The following PLCB1 variants were observed in gnomAD, a reference collection of about 807,000 sequenced individuals.
PLCB1 encodes 1-phosphatidylinositol 4,5-bisphosphate phosphodiesterase beta-1.
PLCB1 carries 46 observed loss-of-function variants against 161.8 expected under a neutral mutation model. The ratio of observed to expected loss-of-function variants is 0.28; its 90% CI spans 0.22 to 0.36. PLCB1 has a LOEUF of 0.36. Ranked by LOEUF, PLCB1 falls within the 10% of genes least tolerant of loss-of-function variation. The pLI is 1.00. For missense variants in PLCB1, 1,016 were observed against 1,472.5 expected (o/e 0.69, Z 5.07); for synonymous variants, 517 against 503.7 (o/e 1.03, Z -0.35).
At position 8,708,862 on chromosome 20, in the gene PLCB1, A is replaced by G. The variant is rs1290679983; in HGVS notation, c.1250+110A>G. ...ACATGATTAATGGTGTTCTTCAATC[A>G]TGTTGTATATTAACTGGCATGTTTT... On this transcript the variant is annotated intron_variant, in intron 12 of 31. Coordinates refer to ENST00000338037, the MANE Select transcript of PLCB1 (RefSeq NM_015192.4). The G allele has an allele frequency of 6.1e-6, 4 of 654,122 alleles. No homozygotes were observed. The Admixed American group carries it at 1.1e-4, about 18-fold the overall frequency. The allele number at this position is 654,122 out of a possible 1,614,324, so 40.5% of individuals were successfully genotyped here.
intron 2 of PLCB1, among the ~76,000 whole-genome samples, chr20:8,312,695 A>G (rs144294842): frequency 1.2e-3 from 181 of 152,310 alleles, no homozygotes; most frequent in African/African-American, 4.2e-3. Context: ...TTAAAAGGGC[A>G]TCGTTTACAC....
intron 2 of PLCB1, among the ~76,000 whole-genome samples, chr20:8,325,639 C>G (rs1314443863): frequency 6.6e-6 from 1 of 152,120 alleles, no homozygotes; most frequent in East Asian, 1.9e-4. Context: ...AGACAAGGGT[C>G]AGGAAGGTTA....
At chr20:8,151,106 C>G (rs758485247) in intron 2 of PLCB1, among the ~76,000 whole-genome samples, 1 of 152,140 alleles carries the variant, frequency 6.6e-6, no homozygotes, top group Non-Finnish European at 1.5e-5. Context: ...TACACTTGAA[C>G]CTCAGAGGCC....
intron 9 of PLCB1, among the ~76,000 whole-genome samples, chr20:8,663,078 A>G (rs2123339565): frequency 6.6e-6 from 1 of 151,722 alleles, no homozygotes; most frequent in African/African-American, 2.4e-5. Context: ...GTGGAAATTG[A>G]GTCTTATTTA....
In PLCB1 at chr20:8,488,475, G is replaced by A. The variant is rs180751662; in HGVS notation, c.246+117025G>A. Among the ~76,000 whole-genome samples the A allele has an allele frequency of 2.1e-3, 325 of 152,212 alleles. 2 individuals carry two copies. The highest frequency in any genetic ancestry group is 7.1e-3 in the African/African-American group (293 of 41,528). ...TTTTCATCTCAGCCTCTGCTTCTGG[G>A]AAACCCAGCTAACAATATCGAATAT... On this transcript the variant is annotated intron_variant, in intron 3 of 31. Coordinates refer to ENST00000338037, the MANE Select transcript of PLCB1 (RefSeq NM_015192.4).
intron 3 of PLCB1, among the ~76,000 whole-genome samples, chr20:8,544,810 C>T (rs551068074): frequency 3.9e-5 from 6 of 152,248 alleles, no homozygotes; most frequent in African/African-American, 1.4e-4. Context: ...CTGATATATT[C>T]CTTAGGTAGA....
At chr20:8,289,981 C>G (rs1341109950) in intron 2 of PLCB1, among the ~76,000 whole-genome samples, 2 of 152,146 alleles carry the variant, frequency 1.3e-5, no homozygotes, top group Non-Finnish European at 1.5e-5. Context: ...TAATATAAAA[C>G]AGCAGGCAAC....
chr20:8,297,033 T>C (rs1457906729), intron 2 of PLCB1, among the ~76,000 whole-genome samples: 2 of 152,088 alleles, frequency 1.3e-5, no homozygotes, highest in Admixed American at 1.3e-4. Context: ...TGTGTGTATA[T>C]GTATATATAT....
At chr20:8,698,876 G>C (rs1009223388) in intron 11 of PLCB1, among the ~76,000 whole-genome samples, 4 of 152,098 alleles carry the variant, frequency 2.6e-5, no homozygotes, top group Non-Finnish European at 5.9e-5. Context: ...GGTGCATTTG[G>C]TCTCTCTCTT....
chr20:8,297,992 A>G (rs1256774929), intron 2 of PLCB1, among the ~76,000 whole-genome samples: 1 of 150,428 alleles, frequency 6.6e-6, no homozygotes, highest in Non-Finnish European at 1.5e-5. Context: ...AATGCCCATT[A>G]TCTTTAATAA....
At chr20:8,160,782 T>C (rs2051614129) in intron 2 of PLCB1, among the ~76,000 whole-genome samples, 2 of 152,190 alleles carry the variant, frequency 1.3e-5, no homozygotes, top group African/African-American at 4.8e-5. Flanking sequence ...TTTTTGTCTT[T>C]TGGGAAAATA....
intron 2 of PLCB1, among the ~76,000 whole-genome samples, chr20:8,351,836 A>C (rs1424263091): frequency 6.6e-6 from 1 of 152,064 alleles, no homozygotes. Context: ...AAAATTGATG[A>C]TACTAAGTGT....
At chr20:8,556,163 G>T (rs1453579870) in intron 3 of PLCB1, among the ~76,000 whole-genome samples, 1 of 152,006 alleles carries the variant, frequency 6.6e-6, no homozygotes, top group Non-Finnish European at 1.5e-5. Context: ...CAGTAGGAAA[G>T]ATGGCGGCCA....
chr20:8,381,495 T>G (rs907005863), intron 3 of PLCB1, among the ~76,000 whole-genome samples: 3 of 152,218 alleles, frequency 2.0e-5, no homozygotes, highest in Admixed American at 1.3e-4. Context: ...TTTCATTTGT[T>G]TGGAATAGTT....
At chr20:8,872,717 T>A (rs1987648304) in intron 31 of PLCB1, among the ~76,000 whole-genome samples, 2 of 152,144 alleles carry the variant, frequency 1.3e-5, no homozygotes, top group Non-Finnish European at 2.9e-5. Context: ...TTGTGGATGT[T>A]TTTCCTCAAT....
intron 3 of PLCB1, among the ~76,000 whole-genome samples, chr20:8,595,205 T>G (rs1197121779): frequency 1.3e-5 from 2 of 148,908 alleles, no homozygotes; most frequent in African/African-American, 5.0e-5. Flanking sequence ...ACCCACTAAC[T>G]TGTCATCTAG....
chr20:8,600,146 A>G (rs1987496004), intron 3 of PLCB1, among the ~76,000 whole-genome samples: 5 of 132,894 alleles, frequency 3.8e-5, no homozygotes, highest in African/African-American at 6.0e-5. Context: ...CTGGTGAGGA[A>G]CTGCGTTCCT....
chr20:8,626,498 G>A (rs947548236), intron 3 of PLCB1, among the ~76,000 whole-genome samples: 2 of 152,096 alleles, frequency 1.3e-5, no homozygotes, highest in Non-Finnish European at 2.9e-5. Context: ...ATGAGAATTA[G>A]GCAGTAAAAT....
At chr20:8,809,208 T>A (rs564084899) in intron 31 of PLCB1, among the ~76,000 whole-genome samples, 3 of 152,224 alleles carry the variant, frequency 2.0e-5, no homozygotes, top group African/African-American at 7.2e-5. Context: ...AGTTTTGCCA[T>A]GTTGCCCAGG....
Sources: gnomAD v4.1 joint callset for allele counts (sites outside exome capture counted in the v4.1 genomes callset) on GRCh38, gnomAD v4.1.1 for gene constraint, MANE v1.5 for transcripts, NCBI Gene and HGNC (gene_info 2026-07-23, HGNC 2026-07-21) for gene names.